Variants in DOT1L observed in about 807,000 individuals in gnomAD.
DOT1L encodes the protein histone-lysine N-methyltransferase, H3 lysine-79 specific.
In DOT1L, 33 loss-of-function variants were observed where a neutral mutation model predicts 153.3. That is an observed-to-expected ratio of 0.22 (90% CI 0.16 to 0.29). DOT1L has a LOEUF of 0.29. DOT1L is among the 10% of genes least tolerant of loss of function. DOT1L has a pLI of 1.00. For missense variants in DOT1L, 1,847 were observed against 2,119.9 expected, an observed-to-expected ratio of 0.87 and a Z score of 2.53; for synonymous variants, 1,135 against 965.1, an observed-to-expected ratio of 1.18 and a Z score of -3.26.
rs146894196 is a variant in DOT1L, at chr19:2,195,443, C to T, written c.651+866C>T. ...CGGGCCCATCTGCTCTGTCTCCCAG[C>T]GACGTCCCAGACCTCCCCGCCCTTA... On this transcript the variant is annotated intron_variant, in intron 7 of 27. Coordinates refer to ENST00000398665, the MANE Select transcript of DOT1L (RefSeq NM_032482.3). Among the ~76,000 whole-genome samples the T allele has an allele frequency of 8.1e-3, 1,240 of 152,252 alleles. 10 individuals are homozygous for T. The highest frequency in any genetic ancestry group is 0.013 in the Non-Finnish European group (902 of 68,008).
intron 16 of DOT1L, 184 bp downstream of exon 16, chr19:2,212,026 G>A: frequency 1.7e-6 from 1 of 583,614 alleles, no homozygotes; most frequent in Non-Finnish European, 3.0e-6. Context: ...GAGAGACCCG[G>A]AAAACAGCGA....
In DOT1L at chr19:2,207,744, C is replaced by A; in HGVS notation, c.963+64C>A. On this transcript the variant is annotated intron_variant, in intron 11 of 27. Coordinates refer to ENST00000398665, the MANE Select transcript of DOT1L (RefSeq NM_032482.3). The surrounding 1 kb of genome is among the most constrained non-coding windows in gnomAD (Gnocchi z 4.5). ...GGTCTTCCACCCCGCCCACGTCACA[C>A]TGCTCTCTCCTTTCTCATGTGGCCT... The A allele has an allele frequency of 1.4e-6, 2 of 1,402,632 alleles. No individual in the cohort carries two copies. Among genetic ancestry groups the A allele is most frequent in the South Asian group, 1.3e-5 (1 of 76,422 alleles). 86.9% of individuals were successfully genotyped at this position (1,402,632 alleles called of 1,614,324 possible).
Position 2,220,873 on chromosome 19 carries a change from T to C in DOT1L, c.2806+651T>C, listed in dbSNP as rs1568365965. ...CGGTATGATGCGGCAGCTACTTTTT[T>C]AGGAGTAAAAAGTAAAATGTGGCCG... On this transcript the variant is annotated intron_variant, in intron 23 of 27. Coordinates refer to ENST00000398665, the MANE Select transcript of DOT1L (RefSeq NM_032482.3). The surrounding 1 kb of genome is among the most constrained non-coding windows in gnomAD (Gnocchi z 4.5). 1 of 274,998 alleles carries C rather than the reference T, an allele frequency of 3.6e-6. No individual in the cohort carries two copies. The highest frequency in any genetic ancestry group is 3.5e-5 in the South Asian group (1 of 28,968). The allele number at this position is 274,998 out of a possible 1,614,324, so 17.0% of individuals were successfully genotyped here.
At position 2,207,005 on chromosome 19, in the gene DOT1L, A is replaced by G. The variant is rs1408948587; in HGVS notation, c.856+208A>G. Among the ~76,000 whole-genome samples the G allele has an allele frequency of 4.6e-5, 7 of 152,086 alleles. No individual in the cohort carries two copies. Among genetic ancestry groups the G allele is most frequent in the African/African-American group, 1.4e-4 (6 of 41,390 alleles). ...AGGAGCACCCCTGGTCGCGACAACC[A>G]CACACGTCCCCATAGAGCACTGTGT... On this transcript the variant is annotated intron_variant, in intron 10 of 27. Coordinates refer to ENST00000398665, the MANE Select transcript of DOT1L (RefSeq NM_032482.3). The surrounding 1 kb of genome is among the most constrained non-coding windows in gnomAD (Gnocchi z 4.5).
At chr19:2,174,060 C>T (rs868233004) in intron 1 of DOT1L, among the ~76,000 whole-genome samples, 3 of 152,178 alleles carry the variant, frequency 2.0e-5, no homozygotes, top group Non-Finnish European at 2.9e-5. Flanking sequence ...CTGGCTCAAG[C>T]GATCCTTCCA....
chr19:2,210,755 G>T lies in DOT1L; in HGVS notation c.1251G>T (p.Met417Ile). The change falls in exon 14 of 28, where the codon ATG becomes ATT. Residue 417 changes from methionine to isoleucine, a missense_variant. Coordinates refer to ENST00000398665, the MANE Select transcript of DOT1L (RefSeq NM_032482.3). ...AGRKRGRPKK[M>I]NTANPERKPK... ...GCAAGCGCGGGCGCCCCAAGAAGATGAACACTGCGAACCCCGAGCGGAAGC... is the reference window on the plus strand; with the variant it reads ...GCAAGCGCGGGCGCCCCAAGAAGATTAACACTGCGAACCCCGAGCGGAAGC... The T allele has an allele frequency of 6.2e-7, 1 of 1,613,140 alleles. No individual in the cohort carries two copies. Among genetic ancestry groups the T allele is most frequent in the Non-Finnish European group, 8.5e-7 (1 of 1,180,004 alleles).
chr19:2,213,998 G>A lies in DOT1L; in HGVS notation c.1797+12G>A, dbSNP rs542635200. On this transcript the variant is annotated intron_variant, in intron 18 of 27. Coordinates refer to ENST00000398665, the MANE Select transcript of DOT1L (RefSeq NM_032482.3). ...AGAGCTTGCAGCTGGTGGGTGCCGC[G>A]GCGCAAGGACAGGGACGTGGAACCA... 61 of 1,611,232 alleles carry A rather than the reference G, an allele frequency of 3.8e-5. No homozygotes were observed. Among genetic ancestry groups the A allele is most frequent in the South Asian group, 7.7e-5 (7 of 90,902 alleles).
rs1411966569 is a variant in DOT1L at position 2,180,612 on chromosome 19, G to A, written c.82-101G>A. On this transcript the variant is annotated intron_variant, in intron 1 of 27. Coordinates refer to ENST00000398665, the MANE Select transcript of DOT1L (RefSeq NM_032482.3). The stretch of plus-strand genomic sequence containing the variant: ...TTGGGAGCTGCACCAGTTGGGAAAT[G>A]AAGAGATGGGAAGTTGACGGCATCG... 8 of 1,424,084 alleles carry A rather than the reference G, an allele frequency of 5.6e-6. No homozygotes were observed. The African/African-American group carries it at 8.4e-5, about 15-fold the overall frequency. 88.2% of individuals were successfully genotyped at this position (1,424,084 alleles called of 1,614,324 possible).
At chr19:2,167,926 G>A (rs768475368) in intron 1 of DOT1L, among the ~76,000 whole-genome samples, 1 of 151,950 alleles carries the variant, frequency 6.6e-6, no homozygotes, top group South Asian at 2.1e-4. Context: ...GTAGAGACAG[G>A]GTTTCACCAT....
chr19:2,226,182 G>T lies in DOT1L; in HGVS notation c.3662-1G>T. ...CGGCTTCTGCCTTTCCTCTTTGCCA[G>T]GTGGTGGCTTGGCGGGAAGGAAGCC... On this transcript the variant is annotated splice_acceptor_variant, in intron 26 of 27. Transcript: ENST00000398665. LOFTEE classifies it high-confidence loss of function. 6.6e-7 allele frequency: 1 copy of T among 1,515,364 alleles called. No homozygotes were observed. The highest frequency in any genetic ancestry group is 8.8e-7 in the Non-Finnish European group (1 of 1,130,140). The allele number at this position is 1,515,364 out of a possible 1,614,324, so 93.9% of individuals were successfully genotyped here. A position where few individuals can be genotyped will look rare whatever the true frequency, so the allele number is the denominator to read the frequency against.
Position 2,214,326 on chromosome 19 carries a change from C to T in DOT1L, c.1798-145C>T, listed in dbSNP as rs190223335. ...CCAGTCTCCGCGTGTTCCGCATCCT[C>T]AGCCTGCTATTCCAGAAACGGGGTC... On this transcript the variant is annotated intron_variant, in intron 18 of 27. Transcript: ENST00000398665. 61 of 1,363,312 alleles carry T rather than the reference C, an allele frequency of 4.5e-5. No homozygotes were observed. In the African/African-American group the frequency reaches 4.7e-4, roughly 10 times the overall value. 84.5% of individuals were successfully genotyped at this position (1,363,312 alleles called of 1,614,324 possible). A position where few individuals can be genotyped will look rare whatever the true frequency, so the allele number is the denominator to read the frequency against.
intron 16 of DOT1L, 49 bp downstream of exon 16, chr19:2,211,891 C>T (rs766352173): frequency 4.7e-6 from 7 of 1,504,688 alleles, no homozygotes; most frequent in Middle Eastern, 1.7e-4. Context: ...AGAGGCAGTT[C>T]GTTCCTGTTC....
chr19:2,180,847 T>A, intron 2 of DOT1L, 91 bp downstream of exon 2: 1 of 1,503,466 alleles, frequency 6.7e-7, no homozygotes, highest in South Asian at 1.2e-5. Flanking sequence ...TGGGGATGGC[T>A]CCTGCAGGGG....
intron 8 of DOT1L, among the ~76,000 whole-genome samples, chr19:2,201,155 CCTCATTCCT>C (rs1186282629): frequency 7.1e-5 from 10 of 140,226 alleles, no homozygotes; most frequent in Admixed American, 1.4e-4. Flanking sequence ...CTCGTCCTCC[CCTCATTCCT>C]CGTCCTCCCC....
rs990177688 is a variant in DOT1L, at chr19:2,231,695, C to CG, written c.*1906dup. On this transcript the variant is annotated 3_prime_UTR_variant, in exon 28 of 28. Transcript: ENST00000398665. ...ACAGGCAGCCTGCTCTGTGTCGCCA[C>CG]GGGCCGGATACGCCACAGGGTTGAT... 4.7e-6 allele frequency: 1 copy of CG among 213,892 alleles called. No homozygotes were observed. Among genetic ancestry groups the CG allele is most frequent in the African/African-American group, 2.3e-5 (1 of 44,088 alleles). 13.2% of individuals were successfully genotyped at this position (213,892 alleles called of 1,614,324 possible). A position where few individuals can be genotyped will look rare whatever the true frequency, so the allele number is the denominator to read the frequency against.
In DOT1L at chr19:2,210,791, C is replaced by T. The variant is rs1447980792; in HGVS notation, c.1287C>T (p.Asn429=). 6 of 1,613,006 alleles carry T rather than the reference C, an allele frequency of 3.7e-6. No homozygotes were observed. The highest frequency in any genetic ancestry group is 4.2e-6 in the Non-Finnish European group (5 of 1,179,996). ...TANPERKPKK[N]QTALDALHAQ... ...ACCCCGAGCGGAAGCCCAAGAAGAA[C>T]CAAACTGCACTGGATGCCCTGCACG... The change falls in exon 14 of 28, where the codon AAC becomes AAT. Residue 429 remains asparagine, a synonymous_variant. Transcript: ENST00000398665.
At chr19:2,168,916 G>A (rs1210273033) in intron 1 of DOT1L, among the ~76,000 whole-genome samples, 2 of 152,176 alleles carry the variant, frequency 1.3e-5, no homozygotes, top group South Asian at 2.1e-4. Flanking sequence ...GCCTGGCCCT[G>A]CGTGGTATTT....
chr19:2,228,983 C>T (rs1194804885), intron 27 of DOT1L: 2 of 985,296 alleles, frequency 2.0e-6, no homozygotes, highest in South Asian at 4.7e-5. Flanking sequence ...GAGGCAAGCT[C>T]TGTGCCCTGC....
intron 14 of DOT1L, 56 bp downstream of exon 14, chr19:2,210,911 C>T: frequency 4.4e-6 from 7 of 1,585,446 alleles, no homozygotes; most frequent in Non-Finnish European, 6.0e-6. Context: ...TGCCTGGGGT[C>T]CCCTCTGCTG....
Sources: gnomAD v4.1 joint callset for allele counts (sites outside exome capture counted in the v4.1 genomes callset) on GRCh38, gnomAD v4.1.1 for gene constraint, Gnocchi (gnomAD v3.1) non-coding constraint, MANE v1.5 for transcripts, NCBI Gene and HGNC (gene_info 2026-07-23, HGNC 2026-07-21) for gene names.